MYO16: variants seen among roughly 807,000 people sequenced by gnomAD.
MYO16 encodes unconventional myosin-XVI.
A neutral mutation model predicts 205.3 loss-of-function variants in MYO16; 94 were observed. The ratio of observed to expected loss-of-function variants is 0.46; its 90% CI spans 0.39 to 0.54. MYO16 has a LOEUF of 0.54. Among genes scored for constraint, MYO16 ranks in the 20% least tolerant of loss-of-function variants. The probability of loss-of-function intolerance (pLI) is 0.00; values close to 1 mark genes in which losing one functional copy is unlikely to be tolerated. For missense variants in MYO16, 2,315 were observed against 2,387.5 expected, an observed-to-expected ratio of 0.97 and a Z score of 0.63; for synonymous variants, 988 against 954.0, an observed-to-expected ratio of 1.04 and a Z score of -0.66.
At chr13:109,034,230 C>A (rs1886638513) in intron 23 of MYO16, among the ~76,000 whole-genome samples, 1 of 152,182 alleles carries the variant, frequency 6.6e-6, no homozygotes, top group Non-Finnish European at 1.5e-5. Context: ...ACTTTTAGTA[C>A]ATTCCAAATT....
At chr13:108,803,623 G>A (rs1412548699) in intron 6 of MYO16, among the ~76,000 whole-genome samples, 1 of 152,160 alleles carries the variant, frequency 6.6e-6, no homozygotes, top group African/African-American at 2.4e-5. Context: ...CTGGATATGT[G>A]TGTGTTAGGG....
At chr13:108,845,857 G>C (rs1877491589) in intron 10 of MYO16, among the ~76,000 whole-genome samples, 1 of 149,274 alleles carries the variant, frequency 6.7e-6, no homozygotes. Flanking sequence ...TAGGACTAGG[G>C]TGTGTGCCAC....
At chr13:108,726,505 G>A (rs1295566932) in intron 3 of MYO16, among the ~76,000 whole-genome samples, 2 of 151,652 alleles carry the variant, frequency 1.3e-5, no homozygotes, top group Middle Eastern at 3.4e-3. Flanking sequence ...GTTGCAGTGA[G>A]CTGAGATCGC....
chr13:109,036,101 T>C (rs1886707907), intron 23 of MYO16, among the ~76,000 whole-genome samples: 1 of 152,228 alleles, frequency 6.6e-6, no homozygotes, highest in African/African-American at 2.4e-5. Flanking sequence ...GAAAGGAGGC[T>C]GCAGACATAA....
chr13:108,694,595 T>C (rs1883019963), intron 2 of MYO16, among the ~76,000 whole-genome samples: 2 of 152,230 alleles, frequency 1.3e-5, no homozygotes, highest in South Asian at 2.1e-4. Flanking sequence ...GTTCTTGGTA[T>C]ACACATTTTA....
chr13:108,705,615 A>G (rs879817525), intron 2 of MYO16, among the ~76,000 whole-genome samples: 3 of 152,184 alleles, frequency 2.0e-5, no homozygotes, highest in African/African-American at 4.8e-5. Context: ...AAATCATAGC[A>G]TATATACAAT....
At chr13:108,922,331 C>T (rs1330255697) in intron 16 of MYO16, among the ~76,000 whole-genome samples, 4 of 152,274 alleles carry the variant, frequency 2.6e-5, no homozygotes, top group East Asian at 1.9e-4. Flanking sequence ...TACATGCCAG[C>T]GCAAGGCTCA....
chr13:108,846,402 T>G (rs1877522237), intron 10 of MYO16, among the ~76,000 whole-genome samples: 1 of 152,078 alleles, frequency 6.6e-6, no homozygotes, highest in Non-Finnish European at 1.5e-5. Flanking sequence ...TTATGGGTGC[T>G]TTCTCTTGTT....
intron 16 of MYO16, among the ~76,000 whole-genome samples, chr13:108,913,042 A>G (rs1265775124): frequency 6.6e-6 from 1 of 152,266 alleles, no homozygotes; most frequent in Middle Eastern, 3.4e-3. Flanking sequence ...TTCTCTTTGC[A>G]AAAAAGAGTT....
intron 23 of MYO16, among the ~76,000 whole-genome samples, chr13:109,035,236 A>G (rs1886679685): frequency 6.6e-6 from 1 of 152,078 alleles, no homozygotes; most frequent in South Asian, 2.1e-4. Context: ...TTCCCTCTAC[A>G]AGAACTTTTC....
chr13:108,510,461 G>GTTTTTTTTTTT, the MYO16 span, among the ~76,000 whole-genome samples: 3 of 45,914 alleles, frequency 6.5e-5, no homozygotes, highest in African/African-American at 1.0e-4. Context: ...ATTGATAGCT[G>GTTTTTTTTTTT]TTTTTTTTTT....
At chr13:108,769,940 G>A (rs1488503508) in intron 4 of MYO16, among the ~76,000 whole-genome samples, 1 of 152,126 alleles carries the variant, frequency 6.6e-6, no homozygotes, top group African/African-American at 2.4e-5. Context: ...ATGTGGTAAA[G>A]GGAAATGTTG....
rs111844392 is a variant in MYO16 at position 108,809,276 on chromosome 13, A to G, written c.867+2472A>G. On this transcript the variant is annotated intron_variant, in intron 7 of 34. Transcript: ENST00000457511. ...ACATTTGACCTGAAAATTTAAGCAC[A>G]CCGTAGCTTTCATATACTTCCTTCT... 9.1e-3 allele frequency among the ~76,000 whole-genome samples: 1,392 copies of G among 152,320 alleles called. 23 individuals are homozygous for G. The highest frequency in any genetic ancestry group is 0.032 in the African/African-American group (1,312 of 41,570).
intron 34 of MYO16, among the ~76,000 whole-genome samples, chr13:109,195,566 A>C (rs975081242): frequency 1.3e-5 from 2 of 152,090 alleles, no homozygotes; most frequent in African/African-American, 4.8e-5. Context: ...TTTATTCTTC[A>C]ACATCTTGTT....
chr13:108,873,862 A>T (rs1417679953), intron 12 of MYO16, among the ~76,000 whole-genome samples: 1 of 152,276 alleles, frequency 6.6e-6, no homozygotes, highest in African/African-American at 2.4e-5. Flanking sequence ...GACACGTAAT[A>T]TCATTCATTT....
chr13:108,687,130 C>G (rs547026174), intron 2 of MYO16, among the ~76,000 whole-genome samples: 8 of 152,274 alleles, frequency 5.3e-5, no homozygotes, highest in Admixed American at 5.2e-4. Flanking sequence ...TGATTCCACA[C>G]AATGGAAGAA....
intron 9 of MYO16, among the ~76,000 whole-genome samples, chr13:108,841,166 C>T (rs561468508): frequency 6.6e-6 from 1 of 152,254 alleles, no homozygotes; most frequent in South Asian, 2.1e-4. Flanking sequence ...TGAATCAAGA[C>T]AGTGTAGTGT....
At chr13:108,589,721 G>A in the MYO16 span, among the ~76,000 whole-genome samples, 2 of 151,958 alleles carry the variant, frequency 1.3e-5, no homozygotes, top group African/African-American at 2.4e-5. Flanking sequence ...TCTCTCTCAA[G>A]CAAGTAGTGG....
chr13:108,534,301 T>C, the MYO16 span, among the ~76,000 whole-genome samples: 5 of 152,186 alleles, frequency 3.3e-5, 1 homozygote, highest in Admixed American at 2.0e-4. Flanking sequence ...CATATTGTTA[T>C]TGAAAGTGGG....
Sources: allele counts gnomAD v4.1 joint callset (sites outside exome capture counted in the v4.1 genomes callset), GRCh38; gene constraint gnomAD v4.1.1; transcripts MANE v1.5; gene names NCBI Gene and HGNC (gene_info 2026-07-23, HGNC 2026-07-21).